Variants in KLHL1 observed in about 807,000 individuals in gnomAD.
KLHL1 encodes kelch like family member 1, also known as kelch-like protein 1.
In KLHL1, 47 loss-of-function variants were observed where a neutral mutation model predicts 77.7. The ratio of observed to expected loss-of-function variants is 0.60; its 90% CI spans 0.48 to 0.77. The LOEUF (loss-of-function observed/expected upper bound fraction) is 0.77, where lower values mean the gene tolerates loss of function less well. Among genes scored for constraint, KLHL1 ranks in the 30% least tolerant of loss-of-function variants. KLHL1 has a pLI of 0.00. For synonymous variants in KLHL1, 360 were observed against 325.2 expected (o/e 1.11, Z -1.15); for missense variants, 925 against 910.8 (o/e 1.02, Z -0.20).
At chr13:70,030,386 A>G (rs1886066013) in intron 1 of KLHL1, among the ~76,000 whole-genome samples, 1 of 152,056 alleles carries the variant, frequency 6.6e-6, no homozygotes, top group Non-Finnish European at 1.5e-5. Context: ...AAATTATAAC[A>G]AACTGTCTCT....
At chr13:69,993,053 C>A (rs1885065168) in intron 1 of KLHL1, among the ~76,000 whole-genome samples, 1 of 151,932 alleles carries the variant, frequency 6.6e-6, no homozygotes, top group Admixed American at 6.6e-5. Flanking sequence ...TTAGTGTCAA[C>A]TAACACTATT....
chr13:69,709,068 T>C (rs1209233545), intron 9 of KLHL1, among the ~76,000 whole-genome samples: 1 of 152,090 alleles, frequency 6.6e-6, no homozygotes, highest in African/African-American at 2.4e-5. Flanking sequence ...TTGGGGGGTT[T>C]GTGCATTGCC....
chr13:70,018,855 T>G (rs1329667243), intron 1 of KLHL1, among the ~76,000 whole-genome samples: 1 of 152,092 alleles, frequency 6.6e-6, no homozygotes, highest in Non-Finnish European at 1.5e-5. Flanking sequence ...TAGGAAAACA[T>G]ATAGGAAATG....
chr13:69,926,455 AT>A (rs1418948131), intron 4 of KLHL1, among the ~76,000 whole-genome samples: 1 of 152,174 alleles, frequency 6.6e-6, no homozygotes, highest in African/African-American at 2.4e-5. Flanking sequence ...AAGAACCTCG[AT>A]TTCCTCATAA....
intron 2 of KLHL1, among the ~76,000 whole-genome samples, chr13:69,970,386 T>C (rs1442493753): frequency 6.6e-6 from 1 of 152,086 alleles, no homozygotes. Flanking sequence ...GAAAGTATCA[T>C]TGTGTTTCTT....
At chr13:70,068,165 A>T (rs377568187) in intron 1 of KLHL1, among the ~76,000 whole-genome samples, 1 of 151,386 alleles carries the variant, frequency 6.6e-6, no homozygotes, top group African/African-American at 2.4e-5. Flanking sequence ...CACGGTGAAA[A>T]CCCATCTCTA....
chr13:69,807,994 G>C (rs896422390), intron 6 of KLHL1, among the ~76,000 whole-genome samples: 4 of 152,126 alleles, frequency 2.6e-5, no homozygotes, highest in Non-Finnish European at 4.4e-5. Context: ...AAACCTTTGT[G>C]TGGATTGTCC....
intron 1 of KLHL1, among the ~76,000 whole-genome samples, chr13:70,024,618 A>ATTTCTCTCTCTCTCTCTCTTTCTCTCTC (rs1555291444): frequency 3.2e-5 from 2 of 62,594 alleles, no homozygotes; most frequent in Non-Finnish European, 4.3e-5. Flanking sequence ...AGGAGAAAAG[A>ATTTCTCTCTCTCTCTCTCTTTCTCTCTC]TTTCTCTCTC....
intron 7 of KLHL1, among the ~76,000 whole-genome samples, chr13:69,757,717 C>T (rs746627750): frequency 4.5e-4 from 69 of 151,948 alleles, no homozygotes; most frequent in Non-Finnish European, 7.1e-4. Flanking sequence ...TTTGGGAGGC[C>T]GAGGCCAGAG....
At chr13:70,097,225 T>A (rs1887813029) in intron 1 of KLHL1, among the ~76,000 whole-genome samples, 1 of 151,944 alleles carries the variant, frequency 6.6e-6, no homozygotes, top group African/African-American at 2.4e-5. Flanking sequence ...ACAAGAAAAA[T>A]CTTACAAATG....
chr13:69,776,017 G>A (rs113102771), intron 7 of KLHL1, among the ~76,000 whole-genome samples: 9 of 151,288 alleles, frequency 5.9e-5, no homozygotes, highest in African/African-American at 9.7e-5. Flanking sequence ...CTAGCTTGGC[G>A]TGGTGGTGGG....
chr13:69,783,152 C>G (rs1454649072), intron 7 of KLHL1, among the ~76,000 whole-genome samples: 1 of 152,182 alleles, frequency 6.6e-6, no homozygotes, highest in African/African-American at 2.4e-5. Flanking sequence ...ACAGAAAGGA[C>G]ATCCACAACA....
chr13:70,072,438 G>A lies in KLHL1; in HGVS notation c.497+34765C>T, dbSNP rs571480591. Among the ~76,000 whole-genome samples, 130 of 152,156 alleles carry A rather than the reference G, an allele frequency of 8.5e-4. 2 individuals are homozygous for A. The highest frequency in any genetic ancestry group is 3.1e-3 in the African/African-American group (128 of 41,460). ...AAATATTTTCTAATCATTCTGTGAAGTCATGAGGTCAGTATCCCAGTAAAA... is the reference window on the plus strand; with the variant it reads ...AAATATTTTCTAATCATTCTGTGAAATCATGAGGTCAGTATCCCAGTAAAA... On this transcript the variant is annotated intron_variant, in intron 1 of 10. Coordinates refer to ENST00000377844, the MANE Select transcript of KLHL1 (RefSeq NM_020866.3).
intron 6 of KLHL1, among the ~76,000 whole-genome samples, chr13:69,834,360 T>G (rs1388969508): frequency 6.6e-6 from 1 of 151,988 alleles, no homozygotes; most frequent in Admixed American, 6.6e-5. Context: ...AAAAATCAGT[T>G]ACTGAGGAAA....
chr13:69,881,771 G>T (rs1393835106), intron 5 of KLHL1, among the ~76,000 whole-genome samples: 2 of 152,050 alleles, frequency 1.3e-5, no homozygotes, highest in Admixed American at 6.6e-5. Context: ...AATTCTAATT[G>T]CTAACTACTG....
At chr13:69,971,577 G>A (rs562509948) in intron 2 of KLHL1, among the ~76,000 whole-genome samples, 49 of 151,882 alleles carry the variant, frequency 3.2e-4, no homozygotes, top group African/African-American at 1.2e-3. Context: ...ACTTAAAATA[G>A]TATGCCATGT....
chr13:69,932,454 T>C (rs989659314), intron 4 of KLHL1, among the ~76,000 whole-genome samples: 1 of 151,916 alleles, frequency 6.6e-6, no homozygotes, highest in African/African-American at 2.4e-5. Context: ...AATGTAAGAA[T>C]GTTTCTTATC....
chr13:69,769,503 C>G (rs1042606953), intron 7 of KLHL1, among the ~76,000 whole-genome samples: 47 of 152,286 alleles, frequency 3.1e-4, no homozygotes, highest in African/African-American at 1.0e-3. Flanking sequence ...AGCCTGAAAA[C>G]TGGGCTGCTG....
intron 4 of KLHL1, among the ~76,000 whole-genome samples, chr13:69,898,673 A>T (rs1194834841): frequency 1.3e-5 from 2 of 152,202 alleles, no homozygotes; most frequent in Admixed American, 1.3e-4. Context: ...CCCCAAAAGG[A>T]CTTGCTGACA....
Sources: allele counts gnomAD v4.1 joint callset (sites outside exome capture counted in the v4.1 genomes callset), GRCh38; gene constraint gnomAD v4.1.1; transcripts MANE v1.5; gene names NCBI Gene and HGNC (gene_info 2026-07-23, HGNC 2026-07-21).